PTPRN2: variants seen among roughly 807,000 people sequenced by gnomAD.
PTPRN2 encodes receptor-type tyrosine-protein phosphatase N2.
PTPRN2 carries 74 observed loss-of-function variants against 118.8 expected under a neutral mutation model. The ratio of observed to expected loss-of-function variants is 0.62; its 90% CI spans 0.52 to 0.76. The LOEUF (loss-of-function observed/expected upper bound fraction) is 0.76. Among genes scored for constraint, PTPRN2 ranks in the 30% least tolerant of loss-of-function variants. The pLI is 0.00. For missense variants in PTPRN2, 1,481 were observed against 1,394.4 expected (o/e 1.06, Z -0.99); for synonymous variants, 641 against 608.0 (o/e 1.05, Z -0.80).
At chr7:158,033,403 G>A (rs1313654958) in intron 11 of PTPRN2, among the ~76,000 whole-genome samples, 2 of 152,248 alleles carry the variant, frequency 1.3e-5, no homozygotes, top group African/African-American at 4.8e-5. Flanking sequence ...GAAGCAGCCT[G>A]AGTCCTTGCA....
At chr7:157,839,060 C>A (rs533377086) in intron 12 of PTPRN2, among the ~76,000 whole-genome samples, 2 of 152,388 alleles carry the variant, frequency 1.3e-5, no homozygotes, top group Admixed American at 1.3e-4. Flanking sequence ...TCCGCCGTGG[C>A]TACTCCAGTT....
intron 11 of PTPRN2, among the ~76,000 whole-genome samples, chr7:157,925,421 C>T (rs192726642): frequency 1.3e-5 from 2 of 152,364 alleles, no homozygotes; most frequent in African/African-American, 4.8e-5. Context: ...TCCAGAATCC[C>T]CAAAATCTAA....
intron 12 of PTPRN2, among the ~76,000 whole-genome samples, chr7:157,858,144 G>C (rs11762925): frequency 5.9e-5 from 1 of 17,006 alleles, no homozygotes; most frequent in East Asian, 2.2e-3. Flanking sequence ...TGCAGGGAGA[G>C]CCCCGTCACC....
At chr7:158,098,141 A>G (rs1814799082) in intron 10 of PTPRN2, among the ~76,000 whole-genome samples, 1 of 152,204 alleles carries the variant, frequency 6.6e-6, no homozygotes, top group South Asian at 2.1e-4. Flanking sequence ...CCTGCACATG[A>G]GCACACACGC....
intron 1 of PTPRN2, among the ~76,000 whole-genome samples, chr7:158,521,039 C>G (rs565946948): frequency 2.0e-5 from 3 of 152,222 alleles, no homozygotes; most frequent in Non-Finnish European, 4.4e-5. Flanking sequence ...AGTGCTGCAG[C>G]CAGGACCTTA....
intron 11 of PTPRN2, among the ~76,000 whole-genome samples, chr7:158,037,662 G>A (rs1808179617): frequency 6.6e-6 from 1 of 152,208 alleles, no homozygotes; most frequent in Admixed American, 6.5e-5. Context: ...ACGCTGTTAT[G>A]TGGCAATGAC....
intron 3 of PTPRN2, among the ~76,000 whole-genome samples, chr7:158,315,598 T>C (rs1195372673): frequency 6.6e-6 from 1 of 152,212 alleles, no homozygotes. Context: ...GAGCAGAATC[T>C]CCAGCAGTGC....
chr7:158,531,835 T>C (rs1355453277), intron 1 of PTPRN2, among the ~76,000 whole-genome samples: 1 of 152,030 alleles, frequency 6.6e-6, no homozygotes, highest in Non-Finnish European at 1.5e-5. Flanking sequence ...CACAAACACA[T>C]GCCTCCTCCC....
chr7:158,331,072 C>G (rs1317151458), intron 2 of PTPRN2, among the ~76,000 whole-genome samples: 1 of 140,976 alleles, frequency 7.1e-6, no homozygotes, highest in African/African-American at 2.7e-5. Context: ...CACACCCACA[C>G]TCTCACCATA....
chr7:157,836,483 A>C lies in PTPRN2; in HGVS notation c.1788+62190T>G, dbSNP rs1359954577. On this transcript the variant is annotated intron_variant, in intron 12 of 22. Coordinates refer to ENST00000389418, the MANE Select transcript of PTPRN2 (RefSeq NM_002847.5). ...ATAATGAAATACTAGAAACAAGCTA[A>C]ATGTTCAACAATAGCACATGGGTTG... Among the ~76,000 whole-genome samples, 3 of 152,326 alleles carry C rather than the reference A, an allele frequency of 2.0e-5. No homozygotes were observed. In the East Asian group the frequency reaches 5.8e-4, roughly 29 times the overall value.
At chr7:157,960,256 A>G (rs971847649) in intron 11 of PTPRN2, among the ~76,000 whole-genome samples, 1 of 152,200 alleles carries the variant, frequency 6.6e-6, no homozygotes, top group African/African-American at 2.4e-5. Flanking sequence ...TGGATGGTGG[A>G]GATGGTTGCA....
intron 11 of PTPRN2, among the ~76,000 whole-genome samples, chr7:157,985,919 C>G (rs910735901): frequency 6.6e-6 from 1 of 151,854 alleles, no homozygotes; most frequent in African/African-American, 2.4e-5. Context: ...GGGAGACCAG[C>G]CAGACAGCCC....
At chr7:158,317,016 G>T in intron 2 of PTPRN2, 84 bp from the exon 3 acceptor site, 1 of 1,015,682 alleles carries the variant, frequency 9.8e-7, no homozygotes, top group Non-Finnish European at 1.4e-6. Context: ...CTTGCAATGC[G>T]TTCTGATCAT....
At chr7:157,642,837 A>AAAAAAC (rs1563293043) in intron 14 of PTPRN2, among the ~76,000 whole-genome samples, 2 of 147,420 alleles carry the variant, frequency 1.4e-5, no homozygotes, top group Non-Finnish European at 3.0e-5. Context: ...AAAAAAAAAA[A>AAAAAAC]AAAAAAAGCA....
chr7:157,640,491 G>C (rs1241908362), intron 14 of PTPRN2, among the ~76,000 whole-genome samples: 4 of 152,180 alleles, frequency 2.6e-5, no homozygotes, highest in South Asian at 2.1e-4. Context: ...ATTATATATG[G>C]TTTATAATTT....
chr7:157,609,539 G>A lies in PTPRN2; in HGVS notation c.2345-5464C>T, dbSNP rs1802205176. 6.6e-6 allele frequency among the ~76,000 whole-genome samples: 1 copy of A among 152,212 alleles called. No individual in the cohort carries two copies. The highest frequency in any genetic ancestry group is 6.5e-5 in the Admixed American group (1 of 15,286). On this transcript the variant is annotated intron_variant, in intron 15 of 22. Transcript: ENST00000389418. This position sits in a 1 kb window ranked among gnomAD's most constrained non-coding sequence, Gnocchi z 4.9. ...GACTACTTTCCCGTTTTAGGCTGAA[G>A]AAACTAAGACTCATAAGGATGGAAC...
intron 14 of PTPRN2, among the ~76,000 whole-genome samples, chr7:157,628,124 C>T (rs1247763813): frequency 3.3e-5 from 5 of 152,180 alleles, no homozygotes; most frequent in African/African-American, 1.2e-4. Context: ...TTGGAGGAAA[C>T]AGCCTCCATG....
At chr7:157,930,457 T>C (rs1799289488) in intron 11 of PTPRN2, among the ~76,000 whole-genome samples, 1 of 152,100 alleles carries the variant, frequency 6.6e-6, no homozygotes, top group East Asian at 1.9e-4. Context: ...GATGCTGGAG[T>C]CAGGTTTCTG....
At chr7:158,195,630 T>A (rs1011153836) in intron 4 of PTPRN2, among the ~76,000 whole-genome samples, 3 of 151,648 alleles carry the variant, frequency 2.0e-5, no homozygotes, top group African/African-American at 7.3e-5. Flanking sequence ...TATTTTTTTT[T>A]AATTATCCTT....
Sources: gnomAD v4.1 joint callset for allele counts (sites outside exome capture counted in the v4.1 genomes callset) on GRCh38, gnomAD v4.1.1 for gene constraint, Gnocchi (gnomAD v3.1) non-coding constraint, MANE v1.5 for transcripts, NCBI Gene and HGNC (gene_info 2026-07-23, HGNC 2026-07-21) for gene names.